The following PCDHA11 variants were observed in gnomAD, a reference collection of about 807,000 sequenced individuals.
PCDHA11 encodes the protein protocadherin alpha-11.
Under a neutral mutation model 70.3 loss-of-function variants are expected in PCDHA11, and 61 were observed. That is an observed-to-expected ratio of 0.87 (90% confidence interval 0.71 to 1.07). The LOEUF is 1.07. PCDHA11 is among the 50% of genes least tolerant of loss of function. PCDHA11 has a pLI of 0.00. For missense variants in PCDHA11, 1,324 were observed against 1,237.5 expected (o/e 1.07, Z -1.05); for synonymous variants, 633 against 555.1 (o/e 1.14, Z -1.97).
chr5:140,940,158 C>T (rs1159450232), intron 1 of PCDHA11, among the ~76,000 whole-genome samples: 3 of 151,970 alleles, frequency 2.0e-5, no homozygotes, highest in African/African-American at 7.3e-5. Context: ...TTTTTGTTTG[C>T]CTGAAATGTC....
chr5:140,886,827 G>GAAAA (rs782016620), intron 1 of PCDHA11, among the ~76,000 whole-genome samples: 11 of 60,864 alleles, frequency 1.8e-4, no homozygotes, highest in Admixed American at 1.8e-4. Context: ...ACTTCGTCTT[G>GAAAA]AAAAAAAAAA....
intron 1 of PCDHA11, chr5:140,882,313 G>A (rs2059060330): frequency 1.2e-6 from 2 of 1,614,128 alleles, no homozygotes; most frequent in Non-Finnish European, 1.7e-6. Flanking sequence ...GGCAACTACT[G>A]CTCTGGCTTC....
chr5:140,979,292 C>T (rs1449910823), intron 2 of PCDHA11, among the ~76,000 whole-genome samples: 1 of 151,814 alleles, frequency 6.6e-6, no homozygotes, highest in African/African-American at 2.4e-5. Flanking sequence ...GTAATTTCAA[C>T]CTCCTTCATC....
intron 1 of PCDHA11, chr5:140,883,720 A>G (rs782338608): frequency 4.3e-6 from 7 of 1,613,566 alleles, no homozygotes; most frequent in Middle Eastern, 1.7e-4. Flanking sequence ...ACGCGGACGC[A>G]CAGGAGAACG....
chr5:140,876,144 G>C (rs782301739), intron 1 of PCDHA11: 1 of 1,613,964 alleles, frequency 6.2e-7, no homozygotes, highest in South Asian at 1.1e-5. Context: ...AACTAACAGG[G>C]TCTGTCCAGA....
chr5:141,009,889 G>A lies in PCDHA11; in HGVS notation c.2802G>A (p.Gln934=). ...KKKKKKGNKT[Q]EKKEKGNSTT... is the part of the protein sequence containing the mutation. ...AAAAGAAGAAGGGTAACAAGACCCAGGAGAAAAAAGAGAAAGGGAACAGCA... is the reference window on the plus strand; with the variant it reads ...AAAAGAAGAAGGGTAACAAGACCCAAGAGAAAAAAGAGAAAGGGAACAGCA... Residue 934 remains glutamine, a synonymous_variant, in exon 4 of 4, where the codon CAG becomes CAA. Transcript: ENST00000398640. 6.2e-7 allele frequency: 1 copy of A among 1,612,866 alleles called. No homozygotes were observed. Among genetic ancestry groups the A allele is most frequent in the South Asian group, 1.1e-5 (1 of 90,852 alleles).
At chr5:140,929,721 ATTTAC>A in intron 1 of PCDHA11, 2 of 222,496 alleles carry the variant, frequency 9.0e-6, no homozygotes, top group Non-Finnish European at 9.4e-6. Context: ...AAGGTGAAAC[ATTTAC>A]TTAAACTATT....
intron 1 of PCDHA11, among the ~76,000 whole-genome samples, chr5:140,975,044 G>A (rs115613317): frequency 0.045 from 6,815 of 152,244 alleles, 210 homozygotes; most frequent in Non-Finnish European, 0.062. Flanking sequence ...AGGCTCTTAG[G>A]AAGAATCTAC....
chr5:140,903,688 A>G (rs1392078626), intron 1 of PCDHA11, among the ~76,000 whole-genome samples: 13 of 152,242 alleles, frequency 8.5e-5, no homozygotes, highest in Admixed American at 7.9e-4. Flanking sequence ...TTTGGTAAAT[A>G]GTTTAAAATA....
chr5:140,931,546 A>G (rs1416561002), intron 1 of PCDHA11, among the ~76,000 whole-genome samples: 1 of 152,048 alleles, frequency 6.6e-6, no homozygotes, highest in Non-Finnish European at 1.5e-5. Flanking sequence ...TACTGTTCAT[A>G]TGTGCAGGAA....
intron 1 of PCDHA11, among the ~76,000 whole-genome samples, chr5:140,964,532 G>A (rs995586958): frequency 2.0e-5 from 3 of 152,156 alleles, no homozygotes; most frequent in Non-Finnish European, 4.4e-5. Context: ...TCTGAGCTGC[G>A]TGCAGAGATG....
intron 1 of PCDHA11, among the ~76,000 whole-genome samples, chr5:140,885,740 GTTACT>G (rs1554182262): frequency 2.6e-5 from 4 of 152,016 alleles, no homozygotes; most frequent in African/African-American, 9.7e-5. Context: ...ATATTTCACT[GTTACT>G]TTAATTTTAA....
chr5:140,883,691 T>C (rs2059755439), intron 1 of PCDHA11: 2 of 1,613,592 alleles, frequency 1.2e-6, no homozygotes, highest in African/African-American at 2.7e-5. Flanking sequence ...CTGCCACATC[T>C]TCACGGTGTC....
At position 140,978,807 on chromosome 5, in the gene PCDHA11, A is replaced by G. The variant is rs1489269679; in HGVS notation, c.2392-142A>G. 3.3e-6 allele frequency: 5 copies of G among 1,494,726 alleles called. No individual in the cohort carries two copies. In the African/African-American group the frequency reaches 4.2e-5, roughly 12 times the overall value. The allele number at this position is 1,494,726 out of a possible 1,614,324, so 92.6% of individuals were successfully genotyped here. A position where few individuals can be genotyped will look rare whatever the true frequency, so the allele number is the denominator to read the frequency against. ...AAGTGCTATATATGTAGATATCATC[A>G]TAGAGTTACACATGAAATGGCTCAT... On this transcript the variant is annotated intron_variant, in intron 1 of 3. Coordinates refer to ENST00000398640, the MANE Select transcript of PCDHA11 (RefSeq NM_018902.5).
intron 1 of PCDHA11, among the ~76,000 whole-genome samples, chr5:140,898,748 G>A (rs1397892217): frequency 1.1e-4 from 16 of 152,222 alleles, no homozygotes; most frequent in African/African-American, 3.9e-4. Context: ...TAGCTTGATG[G>A]GGATGGCATT....
At chr5:141,001,872 CAAG>C (rs1329160545) in intron 3 of PCDHA11, among the ~76,000 whole-genome samples, 1 of 152,126 alleles carries the variant, frequency 6.6e-6, no homozygotes, top group African/African-American at 2.4e-5. Flanking sequence ...TGCCCAAAAC[CAAG>C]AAGGAGCAAA....
intron 1 of PCDHA11, among the ~76,000 whole-genome samples, chr5:140,903,944 A>G (rs1554191212): frequency 6.6e-6 from 1 of 152,192 alleles, no homozygotes; most frequent in African/African-American, 2.4e-5. Context: ...CCTCTTAAAT[A>G]CTGGAAAATT....
rs79336587 is a variant in PCDHA11 at position 140,997,550 on chromosome 5, C to T, written c.2540-12077C>T. Reference sequence around the variant, plus strand: ...ATAAAAATACATTATTATAATCTTACAGGACAACTGTCATATGTGTGGTCC... The same window carrying T: ...ATAAAAATACATTATTATAATCTTATAGGACAACTGTCATATGTGTGGTCC... On this transcript the variant is annotated intron_variant, in intron 3 of 3. Coordinates refer to ENST00000398640, the MANE Select transcript of PCDHA11 (RefSeq NM_018902.5). Among the ~76,000 whole-genome samples, 1,283 of 152,208 alleles carry T rather than the reference C, an allele frequency of 8.4e-3. 21 individuals carry two copies. The highest frequency in any genetic ancestry group is 0.029 in the African/African-American group (1,211 of 41,522).
rs782182425 is a variant in PCDHA11 at position 140,876,300 on chromosome 5, A to C, written c.2391+4806A>C. On this transcript the variant is annotated intron_variant, in intron 1 of 3. Coordinates refer to ENST00000398640, the MANE Select transcript of PCDHA11 (RefSeq NM_018902.5). ...ATCCAGACGAAGGACTTAATGGAGA[A>C]ATTTCCTATGGGATCAAAATGATTT... 2.1e-5 allele frequency: 34 copies of C among 1,613,966 alleles called. No individual in the cohort carries two copies. Among genetic ancestry groups the C allele is most frequent in the Non-Finnish European group, 2.9e-5 (34 of 1,179,910 alleles).
Sources: allele counts gnomAD v4.1 joint callset (sites outside exome capture counted in the v4.1 genomes callset), GRCh38; gene constraint gnomAD v4.1.1; transcripts MANE v1.5; gene names NCBI Gene and HGNC (gene_info 2026-07-23, HGNC 2026-07-21).